LTBP2: variants seen among roughly 807,000 people sequenced by gnomAD.
LTBP2 encodes latent-transforming growth factor beta-binding protein 2.
In LTBP2, 103 loss-of-function variants were observed where a neutral mutation model predicts 210.6. That is an observed-to-expected ratio of 0.49 (90% CI 0.42 to 0.58). LTBP2 has a LOEUF of 0.58. Among genes scored for constraint, LTBP2 ranks in the 20% least tolerant of loss-of-function variants. The pLI is 0.00. For missense variants in LTBP2, 2,313 were observed against 2,494.5 expected (o/e 0.93, Z 1.55); for synonymous variants, 1,007 against 1,015.0 (o/e 0.99, Z 0.15).
Position 74,528,499 on chromosome 14 carries a change from C to CTGACA in LTBP2, c.2351_2352insTGTCA (p.Thr785ValfsTer48). 1 of 1,611,984 alleles carries CTGACA rather than the reference C, an allele frequency of 6.2e-7. No homozygotes were observed. The highest frequency in any genetic ancestry group is 1.1e-5 in the South Asian group (1 of 91,016). ...CTCAGATACCCTTGTCAGGGATGGT[C>CTGACA]CCGGCCTCAAGCCAGGTGTCCGTGA... On this transcript the variant is annotated frameshift_variant, in exon 12 of 36. Transcript: ENST00000261978. LOFTEE classifies it high-confidence loss of function.
At chr14:74,512,881 C>G (rs2087089438) in intron 18 of LTBP2, among the ~76,000 whole-genome samples, 1 of 152,240 alleles carries the variant, frequency 6.6e-6, no homozygotes, top group African/African-American at 2.4e-5. Context: ...AGATGACTAA[C>G]TTTGGCCACC....
chr14:74,609,643 C>A (rs1236998206), intron 1 of LTBP2, among the ~76,000 whole-genome samples: 1 of 152,184 alleles, frequency 6.6e-6, no homozygotes, highest in African/African-American at 2.4e-5. Context: ...CTCCTGCCAC[C>A]TCCCCTCTGC....
intron 10 of LTBP2, among the ~76,000 whole-genome samples, chr14:74,531,715 C>T (rs571155614): frequency 6.6e-6 from 1 of 152,342 alleles, no homozygotes; most frequent in South Asian, 2.1e-4. Context: ...TCGGCTGCTG[C>T]CTCCCAGAGG....
intron 10 of LTBP2, among the ~76,000 whole-genome samples, chr14:74,532,149 A>G (rs995461579): frequency 2.0e-5 from 3 of 152,224 alleles, no homozygotes; most frequent in Non-Finnish European, 2.9e-5. Flanking sequence ...TAGAAAGGAA[A>G]AAAAATAAGA....
At chr14:74,574,515 G>C (rs1003293207) in intron 3 of LTBP2, among the ~76,000 whole-genome samples, 6 of 152,204 alleles carry the variant, frequency 3.9e-5, no homozygotes, top group African/African-American at 1.2e-4. Flanking sequence ...CAGCAAGGAG[G>C]AAAAGAATAG....
At chr14:74,516,341 A>ATATGGAAT (rs2087134137) in intron 18 of LTBP2, among the ~76,000 whole-genome samples, 1 of 56,332 alleles carries the variant, frequency 1.8e-5, no homozygotes, top group Non-Finnish European at 4.4e-5. Flanking sequence ...AGACAGAAGG[A>ATATGGAAT]TCTGGAATCC....
intron 4 of LTBP2, among the ~76,000 whole-genome samples, chr14:74,554,443 G>A (rs1020817393): frequency 2.0e-5 from 3 of 152,068 alleles, no homozygotes; most frequent in African/African-American, 4.8e-5. Context: ...AGATTATAGT[G>A]AGTTGTTATC....
rs142146095 is a variant in LTBP2 at position 74,590,570 on chromosome 14, C to T, written c.566-4452G>A. 1.5e-3 allele frequency among the ~76,000 whole-genome samples: 227 copies of T among 151,776 alleles called. 3 individuals are homozygous for T. Among genetic ancestry groups the T allele is most frequent in the African/African-American group, 5.3e-3 (219 of 41,364 alleles). Reference sequence around the variant, plus strand: ...TCGTGCTACTGCACTCCAGCATGGGCGACAGTGAGACTCTGCCTCAAAAAA... The same window carrying T: ...TCGTGCTACTGCACTCCAGCATGGGTGACAGTGAGACTCTGCCTCAAAAAA... On this transcript the variant is annotated intron_variant, in intron 2 of 35. Coordinates refer to ENST00000261978, the MANE Select transcript of LTBP2 (RefSeq NM_000428.3).
At position 74,498,947 on chromosome 14, in the gene LTBP2, G is replaced by C. The variant is rs1354967073; in HGVS notation, c.*1937C>G. On this transcript the variant is annotated 3_prime_UTR_variant, in exon 36 of 36. Coordinates refer to ENST00000261978, the MANE Select transcript of LTBP2 (RefSeq NM_000428.3). ...ATCTTTAGCTATTACAAATGATGCA[G>C]TAATAACTTCTTACGTATGTCATTT... The C allele has an allele frequency of 4.5e-6, 1 of 224,178 alleles. No homozygotes were observed. The highest frequency in any genetic ancestry group is 8.9e-6 in the Non-Finnish European group (1 of 112,400). 13.9% of individuals were successfully genotyped at this position (224,178 alleles called of 1,614,324 possible). A position where few individuals can be genotyped will look rare whatever the true frequency, so the allele number is the denominator to read the frequency against.
At chr14:74,555,759 C>G in intron 3 of LTBP2, 66 bp from the exon 4 acceptor site, 1 of 1,219,616 alleles carries the variant, frequency 8.2e-7, no homozygotes, top group Admixed American at 2.8e-5. Context: ...CACTCCTCAT[C>G]CAGCCACCCA....
At chr14:74,584,529 G>A (rs578059106) in intron 3 of LTBP2, among the ~76,000 whole-genome samples, 1 of 152,218 alleles carries the variant, frequency 6.6e-6, no homozygotes, top group African/African-American at 2.4e-5. Context: ...AGCCAGGACC[G>A]ATCAGAACAA....
intron 3 of LTBP2, among the ~76,000 whole-genome samples, chr14:74,558,043 C>T (rs947942775): frequency 2.0e-5 from 3 of 152,230 alleles, no homozygotes; most frequent in East Asian, 3.9e-4. Context: ...ATCTCCACCC[C>T]AGTTCTGTTA....
chr14:74,601,801 T>C lies in LTBP2; in HGVS notation c.565+1834A>G, dbSNP rs148477982. 2.8e-3 allele frequency among the ~76,000 whole-genome samples: 426 copies of C among 152,298 alleles called. 3 individuals carry two copies. Among genetic ancestry groups the C allele is most frequent in the South Asian group, 0.023 (113 of 4,818 alleles). ...CGTATGATGTTCCCAGATGAAGGCA[T>C]CCATCATGCTGGGAACATCATACGT... On this transcript the variant is annotated intron_variant, in intron 2 of 35. Transcript: ENST00000261978.
intron 1 of LTBP2, among the ~76,000 whole-genome samples, chr14:74,604,179 A>AAAAAAAAAAAC: frequency 6.6e-6 from 1 of 151,240 alleles, no homozygotes; most frequent in African/African-American, 2.4e-5. Context: ...AAAAAAAAAA[A>AAAAAAAAAAAC]AAAAACCACA....
chr14:74,610,634 T>C (rs1313728981), intron 1 of LTBP2, among the ~76,000 whole-genome samples: 1 of 152,134 alleles, frequency 6.6e-6, no homozygotes, highest in African/African-American at 2.4e-5. Context: ...CCCGCAGCCA[T>C]GATGATCCGA....
intron 2 of LTBP2, among the ~76,000 whole-genome samples, chr14:74,592,822 G>T (rs2088300622): frequency 1.3e-5 from 2 of 152,144 alleles, no homozygotes. Context: ...GCAGAAGACG[G>T]AATACCCCCC....
chr14:74,551,878 T>G (rs1475384822), intron 6 of LTBP2, among the ~76,000 whole-genome samples: 1 of 152,176 alleles, frequency 6.6e-6, no homozygotes, highest in Non-Finnish European at 1.5e-5. Flanking sequence ...CTATTTCCCA[T>G]CCATTCTCCC....
Position 74,586,190 on chromosome 14 carries a change from G to C in LTBP2, c.566-72C>G. ...AGACCACAGCTGCCCACACCTTCCTGTCAGAAGGGCCCTCCTGAGTGCTGC... is the reference window on the plus strand; with the variant it reads ...AGACCACAGCTGCCCACACCTTCCTCTCAGAAGGGCCCTCCTGAGTGCTGC... On this transcript the variant is annotated intron_variant, in intron 2 of 35. Coordinates refer to ENST00000261978, the MANE Select transcript of LTBP2 (RefSeq NM_000428.3). The surrounding 1 kb of genome is among the most constrained non-coding windows in gnomAD (Gnocchi z 4.6). The C allele has an allele frequency of 6.7e-7, 1 of 1,501,590 alleles. No individual in the cohort carries two copies. The highest frequency in any genetic ancestry group is 9.0e-7 in the Non-Finnish European group (1 of 1,110,868). 93.0% of individuals were successfully genotyped at this position (1,501,590 alleles called of 1,614,324 possible). A position where few individuals can be genotyped will look rare whatever the true frequency, so the allele number is the denominator to read the frequency against.
At chr14:74,502,236 A>T (rs1355644018) in intron 34 of LTBP2, among the ~76,000 whole-genome samples, 1 of 152,140 alleles carries the variant, frequency 6.6e-6, no homozygotes, top group African/African-American at 2.4e-5. Flanking sequence ...CCGAGTCATC[A>T]CGGTGGGCCT....
Sources: allele counts gnomAD v4.1 joint callset (sites outside exome capture counted in the v4.1 genomes callset), GRCh38; gene constraint gnomAD v4.1.1; non-coding constraint Gnocchi (gnomAD v3.1); transcripts MANE v1.5; gene names NCBI Gene and HGNC (gene_info 2026-07-23, HGNC 2026-07-21).